The following ST18 variants were observed in gnomAD, a reference collection of about 807,000 sequenced individuals.
ST18 encodes the protein ST18 C2H2C-type zinc finger transcription factor.
A neutral mutation model predicts 110.0 loss-of-function variants in ST18; 50 were observed. That is an observed-to-expected ratio of 0.45 (90% confidence interval 0.36 to 0.58). The LOEUF is 0.58. Ranked by LOEUF, ST18 falls within the 20% of genes least tolerant of loss-of-function variation. The pLI is 0.00. For synonymous variants in ST18, 461 were observed against 452.4 expected, an observed-to-expected ratio of 1.02 and a Z score of -0.24; for missense variants, 1,306 against 1,280.1, an observed-to-expected ratio of 1.02 and a Z score of -0.31.
At chr8:52,176,610 T>C (rs1397212264) in intron 9 of ST18, among the ~76,000 whole-genome samples, 1 of 152,154 alleles carries the variant, frequency 6.6e-6, no homozygotes, top group Non-Finnish European at 1.5e-5. Flanking sequence ...GAGTAAAAAG[T>C]AAATGTTTCT....
chr8:52,367,233 G>GACACACACACAC (rs1564591511), intron 2 of ST18, among the ~76,000 whole-genome samples: 1 of 131,214 alleles, frequency 7.6e-6, no homozygotes, highest in Non-Finnish European at 1.5e-5. Flanking sequence ...GCGGGACCCT[G>GACACACACACAC]TCTCACACAC....
intron 2 of ST18, among the ~76,000 whole-genome samples, chr8:52,371,767 G>A (rs566743847): frequency 2.6e-5 from 4 of 152,218 alleles, no homozygotes; most frequent in South Asian, 2.1e-4. Flanking sequence ...AACTCCCATC[G>A]CCTAGTGATG....
chr8:52,376,924 T>A (rs950169960), intron 2 of ST18, among the ~76,000 whole-genome samples: 9 of 152,336 alleles, frequency 5.9e-5, no homozygotes, highest in African/African-American at 2.2e-4. Context: ...CCTTATTAAG[T>A]ACTTAAAATG....
chr8:52,275,639 T>A lies in ST18; in HGVS notation c.-464-45562A>T, dbSNP rs151065308. Among the ~76,000 whole-genome samples, 202 of 152,270 alleles carry A rather than the reference T, an allele frequency of 1.3e-3. 2 individuals carry two copies. In the East Asian group the frequency reaches 0.031, roughly 24 times the overall value. ...GGTTTTTAGAAACTAAGCAGACATA[T>A]CTGTAAAATGAAAATGTTAGAATAA... On this transcript the variant is annotated intron_variant, in intron 2 of 25. Transcript: ENST00000689386.
intron 2 of ST18, among the ~76,000 whole-genome samples, chr8:52,258,435 C>G (rs992697967): frequency 6.6e-6 from 1 of 152,252 alleles, no homozygotes; most frequent in East Asian, 1.9e-4. Flanking sequence ...TTTATTTTGA[C>G]TCTTAAAAAT....
intron 2 of ST18, among the ~76,000 whole-genome samples, chr8:52,277,144 A>G (rs1294444619): frequency 2.0e-5 from 3 of 152,210 alleles, no homozygotes; most frequent in Non-Finnish European, 4.4e-5. Context: ...TGCAGAAGGC[A>G]TGGGGTGGCG....
intron 2 of ST18, among the ~76,000 whole-genome samples, chr8:52,333,928 T>C (rs906194741): frequency 2.3e-4 from 35 of 152,222 alleles, no homozygotes; most frequent in Non-Finnish European, 4.0e-4. Flanking sequence ...TGGGCTCCAC[T>C]TCTGTGAAAC....
At chr8:52,349,310 A>G (rs1013936288) in intron 2 of ST18, among the ~76,000 whole-genome samples, 9 of 152,176 alleles carry the variant, frequency 5.9e-5, no homozygotes, top group Admixed American at 6.5e-5. Context: ...CCAACCTTCT[A>G]ACCTTCGTGT....
At chr8:52,221,126 TCTATCTATCTAC>T (rs1460974347) in intron 4 of ST18, among the ~76,000 whole-genome samples, 2 of 150,518 alleles carry the variant, frequency 1.3e-5, no homozygotes. Flanking sequence ...TATCTATCTA[TCTATCTATCTAC>T]CTACCACTCT....
intron 2 of ST18, among the ~76,000 whole-genome samples, chr8:52,288,070 T>C (rs1427208120): frequency 6.6e-6 from 1 of 152,210 alleles, no homozygotes. Flanking sequence ...AGCAATCTAC[T>C]GCAAATATAA....
chr8:52,295,453 T>G (rs1398302274), intron 2 of ST18, among the ~76,000 whole-genome samples: 1 of 152,234 alleles, frequency 6.6e-6, no homozygotes, highest in South Asian at 2.1e-4. Context: ...GAGAAAAAAA[T>G]TTTAATGACC....
chr8:52,303,314 T>C (rs1053463858), intron 2 of ST18, among the ~76,000 whole-genome samples: 1 of 152,244 alleles, frequency 6.6e-6, no homozygotes. Context: ...AGTCTTTGCC[T>C]CCTTTGTTAT....
At chr8:52,310,007 A>G (rs1589798505) in intron 2 of ST18, among the ~76,000 whole-genome samples, 1 of 152,378 alleles carries the variant, frequency 6.6e-6, no homozygotes, top group South Asian at 2.1e-4. Flanking sequence ...CAAGAAGTGC[A>G]CATTCTGCAT....
At chr8:52,349,013 G>T (rs922402641) in intron 2 of ST18, among the ~76,000 whole-genome samples, 10 of 151,506 alleles carry the variant, frequency 6.6e-5, no homozygotes, top group Admixed American at 4.0e-4. Flanking sequence ...CAACCCCCAC[G>T]CCCCAACCAT....
intron 10 of ST18, among the ~76,000 whole-genome samples, chr8:52,169,412 C>T (rs1209386603): frequency 1.3e-5 from 2 of 152,234 alleles, no homozygotes; most frequent in East Asian, 1.9e-4. Flanking sequence ...AATGACAGGG[C>T]GACTGTACTT....
At chr8:52,178,978 C>G (rs7819036) in intron 9 of ST18, among the ~76,000 whole-genome samples, 23,189 of 152,004 alleles carry the variant, frequency 0.15, 4,058 homozygotes, top group African/African-American at 0.43. Context: ...TTATTGCTAA[C>G]TATGATTCTA....
chr8:52,230,287 G>A (rs1588952682), intron 2 of ST18, among the ~76,000 whole-genome samples: 1 of 152,064 alleles, frequency 6.6e-6, no homozygotes, highest in East Asian at 1.9e-4. Flanking sequence ...AAGAAAAACA[G>A]GTGTCTACTG....
intron 2 of ST18, among the ~76,000 whole-genome samples, chr8:52,386,180 T>C (rs1330850570): frequency 6.6e-6 from 1 of 152,172 alleles, no homozygotes; most frequent in Non-Finnish European, 1.5e-5. Context: ...CATCAGACAG[T>C]CATTGAAAAT....
intron 2 of ST18, among the ~76,000 whole-genome samples, chr8:52,395,481 C>G (rs1198941177): frequency 6.6e-6 from 1 of 152,112 alleles, no homozygotes; most frequent in Non-Finnish European, 1.5e-5. Flanking sequence ...ACGAAGATAT[C>G]TAGGTAAGAG....
Sources: allele counts gnomAD v4.1 joint callset (sites outside exome capture counted in the v4.1 genomes callset), GRCh38; gene constraint gnomAD v4.1.1; transcripts MANE v1.5; gene names NCBI Gene and HGNC (gene_info 2026-07-23, HGNC 2026-07-21).